The following SCAMP4 variants were observed in gnomAD, a reference collection of about 807,000 sequenced individuals.
SCAMP4 encodes secretory carrier-associated membrane protein 4.
A neutral mutation model predicts 32.1 loss-of-function variants in SCAMP4; 19 were observed. The observed-to-expected ratio is 0.59, with a 90% CI of 0.41 to 0.87. SCAMP4 has a LOEUF of 0.87. SCAMP4 is among the 40% of genes least tolerant of loss of function. The probability of loss-of-function intolerance (pLI) is 0.00; values close to 1 mark genes in which losing one functional copy is unlikely to be tolerated. For missense variants in SCAMP4, 302 were observed against 309.0 expected (o/e 0.98, Z 0.17); for synonymous variants, 152 against 132.7 (o/e 1.15, Z -1.00).
intron 1 of SCAMP4, among the ~76,000 whole-genome samples, chr19:1,911,506 C>T (rs1157205651): frequency 1.3e-5 from 2 of 152,194 alleles, no homozygotes; most frequent in African/African-American, 2.4e-5. Flanking sequence ...CCTGTCTTGG[C>T]TGGGCGCAGT....
chr19:1,907,703 G>T (rs980146032), intron 1 of SCAMP4, among the ~76,000 whole-genome samples: 4 of 152,184 alleles, frequency 2.6e-5, no homozygotes, highest in African/African-American at 9.7e-5. Context: ...GCTGGCGGCC[G>T]TGTTCTGCTG....
At chr19:1,912,141 G>A in intron 1 of SCAMP4, 1 of 1,560,556 alleles carries the variant, frequency 6.4e-7, no homozygotes, top group Non-Finnish European at 8.6e-7. Flanking sequence ...GTGCTTGGAG[G>A]CCGGGAGCCC....
intron 5 of SCAMP4, chr19:1,922,551 T>TGG: frequency 4.1e-6 from 4 of 985,510 alleles, no homozygotes; most frequent in Non-Finnish European, 4.8e-6. Flanking sequence ...TTGTTTCTAA[T>TGG]GGTCCCTCAG....
At chr19:1,905,512 G>A (rs1400749905) in intron 1 of SCAMP4, 73 bp downstream of exon 1, 1 of 389,088 alleles carries the variant, frequency 2.6e-6, no homozygotes, top group Non-Finnish European at 5.5e-6. Flanking sequence ...GGGCTGACAT[G>A]GGGGGTCTCG....
intron 5 of SCAMP4, chr19:1,921,621 T>C: frequency 3.0e-6 from 3 of 985,450 alleles, no homozygotes; most frequent in Non-Finnish European, 3.6e-6. Context: ...GCAGGAGTCC[T>C]CAAATGCCTT....
In SCAMP4 at chr19:1,918,120, T is replaced by C. The variant is rs2013795908; in HGVS notation, c.137-7T>C. The C allele has an allele frequency of 2.5e-6, 4 of 1,607,124 alleles. No homozygotes were observed. In the South Asian group the frequency reaches 3.3e-5, roughly 13 times the overall value. Reference sequence around the variant, plus strand: ...CCTGCTCATCCGTCCTCCCTCTCTCTTCGCAGTTTACTGCGCCACCCTCGG... The same window carrying C: ...CCTGCTCATCCGTCCTCCCTCTCTCCTCGCAGTTTACTGCGCCACCCTCGG... On this transcript the variant is annotated splice_region_variant and splice_polypyrimidine_tract_variant and intron_variant, in intron 3 of 6. Coordinates refer to ENST00000316097, the MANE Select transcript of SCAMP4 (RefSeq NM_079834.4).
intron 5 of SCAMP4, chr19:1,921,558 A>G: frequency 1.0e-6 from 1 of 985,380 alleles, no homozygotes; most frequent in South Asian, 4.7e-5. Context: ...TAGACCTGAC[A>G]CTTGCATGCG....
intron 5 of SCAMP4, 76 bp from the exon 6 acceptor site, chr19:1,922,994 G>C: frequency 1.4e-6 from 2 of 1,435,474 alleles, no homozygotes; most frequent in South Asian, 1.5e-5. Flanking sequence ...CTTTACATGG[G>C]GAGGACCATG....
Position 1,908,441 on chromosome 19 carries a change from C to T in SCAMP4, c.-42+3002C>T, listed in dbSNP as rs1384548646. 2 of 468,628 alleles carry T rather than the reference C, an allele frequency of 4.3e-6. No homozygotes were observed. The highest frequency in any genetic ancestry group is 2.0e-5 in the African/African-American group (1 of 50,148). 29.0% of individuals were successfully genotyped at this position (468,628 alleles called of 1,614,324 possible). A position where few individuals can be genotyped will look rare whatever the true frequency, so the allele number is the denominator to read the frequency against. ...GCAGTGCATGTCGAGGAGTAGCACC[C>T]ACAGCTGCGCGGCTGCGAAATGATC... On this transcript the variant is annotated intron_variant, in intron 1 of 6. Coordinates refer to ENST00000316097, the MANE Select transcript of SCAMP4 (RefSeq NM_079834.4). The surrounding 1 kb of genome is among the most constrained non-coding windows in gnomAD (Gnocchi z 4.2).
chr19:1,914,688 G>C (rs910351045), intron 1 of SCAMP4: 2 of 472,402 alleles, frequency 4.2e-6, no homozygotes, highest in East Asian at 3.9e-5. Context: ...TTTGGGGGAC[G>C]CAGGGGCCTA....
At chr19:1,907,847 T>TC (rs370789232) in intron 1 of SCAMP4, among the ~76,000 whole-genome samples, 229 of 151,896 alleles carry the variant, frequency 1.5e-3, no homozygotes, top group African/African-American at 4.9e-3. Context: ...GAGTGAGTCG[T>TC]CCCCCCGGGC....
Position 1,924,464 on chromosome 19 carries a change from C to G in SCAMP4, c.*180C>G, listed in dbSNP as rs2014036136. 1 of 609,068 alleles carries G rather than the reference C, an allele frequency of 1.6e-6. No homozygotes were observed. Among genetic ancestry groups the G allele is most frequent in the African/African-American group, 1.8e-5 (1 of 54,228 alleles). The allele number at this position is 609,068 out of a possible 1,614,324, so 37.7% of individuals were successfully genotyped here. ...GCCACAGAACCCGTGTTCATCTCAT[C>G]CGAGAGCGGAGTTCCTCACAAGCAC... is the stretch of plus-strand genomic sequence containing the variant. On this transcript the variant is annotated 3_prime_UTR_variant, in exon 7 of 7. Transcript: ENST00000316097.
intron 5 of SCAMP4, 178 bp downstream of exon 5, chr19:1,919,168 C>T (rs1429506048): frequency 1.5e-5 from 21 of 1,432,648 alleles, no homozygotes; most frequent in Admixed American, 2.8e-5. Context: ...CCCGCGTCCT[C>T]GCCAGCACCC....
At chr19:1,919,252 C>T (rs2013840991) in intron 5 of SCAMP4, 1 of 1,329,248 alleles carries the variant, frequency 7.5e-7, no homozygotes, top group Non-Finnish European at 9.7e-7. Context: ...TGCGTCCTCG[C>T]CAGCGCCCAG....
chr19:1,921,636 G>A (rs2013924059), intron 5 of SCAMP4: 9 of 985,398 alleles, frequency 9.1e-6, no homozygotes, highest in Non-Finnish European at 1.1e-5. Flanking sequence ...TGCCTTTGCC[G>A]CTTTTCATAA....
At chr19:1,912,388 G>A in intron 1 of SCAMP4, 1 of 1,518,768 alleles carries the variant, frequency 6.6e-7, no homozygotes, top group Non-Finnish European at 8.8e-7. Flanking sequence ...TGCCTGGCTG[G>A]GCCGGCCTCG....
At chr19:1,919,108 C>G (rs1363974699) in intron 5 of SCAMP4, 118 bp downstream of exon 5, 2 of 1,518,756 alleles carry the variant, frequency 1.3e-6, no homozygotes, top group Non-Finnish European at 8.8e-7. Flanking sequence ...ACGCGCTCTC[C>G]TAGGGAGGGG....
rs755820863 is a variant in SCAMP4 at position 1,918,216 on chromosome 19, G to C, written c.226G>C (p.Val76Leu). The change falls in exon 4 of 7, where the codon GTG becomes CTG. Residue 76 changes from valine (V) to leucine (L), a missense_variant. Physicochemically the swap from Val to Leu is conservative, Grantham distance 32. Transcript: ENST00000316097. ...GGGGACCAACTTCGGCCTGGCCTTCGTGTGGCTGCTCCTGTTCACGCCTTG... is the reference window on the plus strand; with the variant it reads ...GGGGACCAACTTCGGCCTGGCCTTCCTGTGGCTGCTCCTGTTCACGCCTTG... The part of the protein sequence containing the change: ...GSGTNFGLAF[V>L]WLLLFTPCGY... The C allele has an allele frequency of 6.2e-7, 1 of 1,611,630 alleles. No homozygotes were observed. The highest frequency in any genetic ancestry group is 1.1e-5 in the South Asian group (1 of 91,060).
At chr19:1,923,225 T>A (rs1338168027) in intron 6 of SCAMP4, 38 bp downstream of exon 6, 1 of 1,501,292 alleles carries the variant, frequency 6.7e-7, no homozygotes, top group Admixed American at 2.1e-5. Flanking sequence ...CCCTTACCCC[T>A]TCTCCATGAA....
Sources: gnomAD v4.1 joint callset for allele counts (sites outside exome capture counted in the v4.1 genomes callset) on GRCh38, gnomAD v4.1.1 for gene constraint, Gnocchi (gnomAD v3.1) non-coding constraint, MANE v1.5 for transcripts, NCBI Gene and HGNC (gene_info 2026-07-23, HGNC 2026-07-21) for gene names.